Variants in HPSE2 observed in about 807,000 individuals in gnomAD.
HPSE2 encodes the protein inactive heparanase-2.
A neutral mutation model predicts 60.5 loss-of-function variants in HPSE2; 38 were observed. The observed-to-expected ratio is 0.63, with a 90% CI of 0.48 to 0.82. The LOEUF (loss-of-function observed/expected upper bound fraction) is 0.82, where lower values mean the gene tolerates loss of function less well. Among genes scored for constraint, HPSE2 ranks in the 40% least tolerant of loss-of-function variants. The probability of loss-of-function intolerance (pLI) is 0.00; values close to 1 mark genes in which losing one functional copy is unlikely to be tolerated. For missense variants in HPSE2, 713 were observed against 740.4 expected, an observed-to-expected ratio of 0.96 and a Z score of 0.43; for synonymous variants, 295 against 293.2, an observed-to-expected ratio of 1.01 and a Z score of -0.06.
intron 3 of HPSE2, among the ~76,000 whole-genome samples, chr10:98,777,933 C>T (rs954627291): frequency 3.3e-5 from 5 of 152,004 alleles, no homozygotes; most frequent in African/African-American, 4.8e-5. Context: ...GTATGCCTAA[C>T]GCAAACATAC....
chr10:99,310,966 T>C, the HPSE2 span, among the ~76,000 whole-genome samples: 1 of 152,174 alleles, frequency 6.6e-6, no homozygotes, highest in Admixed American at 6.5e-5. Context: ...GAAATTCATA[T>C]CATTTTTATT....
At chr10:99,301,202 C>A in the HPSE2 span, among the ~76,000 whole-genome samples, 6 of 152,290 alleles carry the variant, frequency 3.9e-5, no homozygotes, top group African/African-American at 1.4e-4. Context: ...ACAGTTCTTC[C>A]CCAAGGTTTT....
At position 98,932,513 on chromosome 10, in the gene HPSE2, A is replaced by G. The variant is rs372284855; in HGVS notation, c.611-188457T>C. On this transcript the variant is annotated intron_variant, in intron 3 of 11. Transcript: ENST00000370552. ...TGAGTTAGAGGGGAGTCCCTCCTTC[A>G]CAATTGTTTGGAATAGTTTCAGAAG... Among the ~76,000 whole-genome samples, 10 of 143,646 alleles carry G rather than the reference A, an allele frequency of 7.0e-5. 1 individual carries two copies. The South Asian group carries it at 2.1e-3, about 30-fold the overall frequency. 94.2% of individuals were successfully genotyped at this position (143,646 alleles called of 152,430 possible). A position where few individuals can be genotyped will look rare whatever the true frequency, so the allele number is the denominator to read the frequency against.
intron 9 of HPSE2, among the ~76,000 whole-genome samples, chr10:98,540,855 A>G (rs1195720476): frequency 6.6e-6 from 1 of 152,234 alleles, no homozygotes; most frequent in Non-Finnish European, 1.5e-5. Context: ...TGGACTCTAG[A>G]TGTAAAGAGG....
At chr10:99,057,879 T>C (rs909330095) in intron 3 of HPSE2, among the ~76,000 whole-genome samples, 1 of 151,988 alleles carries the variant, frequency 6.6e-6, no homozygotes, top group Non-Finnish European at 1.5e-5. Context: ...AACAGTCACA[T>C]TGTCTTACAA....
chr10:98,776,923 G>T lies in HPSE2; in HGVS notation c.611-32867C>A, dbSNP rs557519425. Among the ~76,000 whole-genome samples the T allele has an allele frequency of 3.3e-5, 5 of 152,264 alleles. No homozygotes were observed. In the South Asian group the frequency reaches 8.3e-4, roughly 25 times the overall value. ...TAAGGGCTAAAATGTCATGATGTTTGCAACTTACTCTCAAACAATTCAGCC... is the reference window on the plus strand; with the variant it reads ...TAAGGGCTAAAATGTCATGATGTTTTCAACTTACTCTCAAACAATTCAGCC... On this transcript the variant is annotated intron_variant, in intron 3 of 11. Coordinates refer to ENST00000370552, the MANE Select transcript of HPSE2 (RefSeq NM_021828.5).
At chr10:99,240,115 G>A (rs1329534152), upstream of HPSE2, among the ~76,000 whole-genome samples, 2 of 152,008 alleles carry the variant, frequency 1.3e-5, no homozygotes, top group African/African-American at 4.8e-5. Context: ...CTTGAACTCA[G>A]GAGGTGGAGG....
At chr10:98,848,890 C>T (rs1952098903) in intron 3 of HPSE2, among the ~76,000 whole-genome samples, 1 of 152,136 alleles carries the variant, frequency 6.6e-6, no homozygotes, top group South Asian at 2.1e-4. Context: ...TCTTTCTTTA[C>T]TCTTCCCACT....
intron 3 of HPSE2, among the ~76,000 whole-genome samples, chr10:98,938,898 T>A (rs1169337574): frequency 6.9e-6 from 1 of 144,158 alleles, no homozygotes; most frequent in African/African-American, 2.8e-5. Flanking sequence ...TGGCAGAAAC[T>A]CTACAAGCCA....
intron 9 of HPSE2, among the ~76,000 whole-genome samples, chr10:98,506,080 AT>A (rs1300061488): frequency 3.9e-5 from 6 of 152,182 alleles, no homozygotes; most frequent in African/African-American, 1.4e-4. Context: ...TATAATTCAA[AT>A]AAGAAGAATT....
At chr10:98,631,417 T>C (rs991574952) in intron 7 of HPSE2, among the ~76,000 whole-genome samples, 3 of 152,156 alleles carry the variant, frequency 2.0e-5, no homozygotes, top group African/African-American at 7.2e-5. Context: ...GAGAGAGAGA[T>C]TGGAAAGTAG....
intron 9 of HPSE2, among the ~76,000 whole-genome samples, chr10:98,559,038 G>A (rs1026049563): frequency 6.6e-6 from 1 of 152,034 alleles, no homozygotes; most frequent in Non-Finnish European, 1.5e-5. Context: ...GTTGGTTCTT[G>A]TTTTTCTTTC....
chr10:98,881,739 A>G (rs574203124), intron 3 of HPSE2, among the ~76,000 whole-genome samples: 58 of 152,228 alleles, frequency 3.8e-4, no homozygotes, highest in African/African-American at 1.3e-3. Context: ...GAAGAACCCG[A>G]AATCACTGTG....
At chr10:98,699,038 T>C (rs1462761494) in intron 5 of HPSE2, among the ~76,000 whole-genome samples, 2 of 152,070 alleles carry the variant, frequency 1.3e-5, no homozygotes, top group Non-Finnish European at 2.9e-5. Flanking sequence ...CCAGATGGAT[T>C]CACAGCCGAA....
chr10:98,824,405 T>C (rs1243952953), intron 3 of HPSE2, among the ~76,000 whole-genome samples: 5 of 152,226 alleles, frequency 3.3e-5, no homozygotes, highest in African/African-American at 1.2e-4. Context: ...TATGTTTTAA[T>C]TCACTAAAAT....
At chr10:99,026,334 T>C (rs1310035217) in intron 3 of HPSE2, among the ~76,000 whole-genome samples, 5 of 152,034 alleles carry the variant, frequency 3.3e-5, no homozygotes, top group Admixed American at 6.6e-5. Context: ...CTATACTTTA[T>C]CAGACAGATG....
intron 9 of HPSE2, among the ~76,000 whole-genome samples, chr10:98,556,562 G>A (rs926256311): frequency 2.0e-5 from 3 of 152,036 alleles, no homozygotes; most frequent in African/African-American, 7.2e-5. Context: ...CTTTAAGAAA[G>A]ATACAACTTC....
chr10:99,121,980 CAGAA>C (rs1472962124), intron 3 of HPSE2, among the ~76,000 whole-genome samples: 4 of 151,986 alleles, frequency 2.6e-5, no homozygotes, highest in Non-Finnish European at 5.9e-5. Flanking sequence ...TTGCTATAGA[CAGAA>C]AGAAGTCCAC....
the HPSE2 span, among the ~76,000 whole-genome samples, chr10:99,266,401 T>A: frequency 6.6e-5 from 10 of 152,096 alleles, no homozygotes; most frequent in Non-Finnish European, 1.0e-4. Flanking sequence ...GTGACCTGCA[T>A]GGCACGGCAG....
Sources: gnomAD v4.1 joint callset for allele counts (sites outside exome capture counted in the v4.1 genomes callset) on GRCh38, gnomAD v4.1.1 for gene constraint, MANE v1.5 for transcripts, NCBI Gene and HGNC (gene_info 2026-07-23, HGNC 2026-07-21) for gene names.